Variants in RHOBTB1 observed in about 807,000 individuals in gnomAD.
The protein encoded by RHOBTB1 is Rho related BTB domain containing 1, also known as rho-related BTB domain-containing protein 1.
Under a neutral mutation model 71.6 loss-of-function variants are expected in RHOBTB1, and 40 were observed. The ratio of observed to expected loss-of-function variants is 0.56; its 90% CI spans 0.43 to 0.73. The LOEUF is 0.73. RHOBTB1 is among the 30% of genes least tolerant of loss of function. RHOBTB1 has a pLI of 0.00. For missense variants in RHOBTB1, 797 were observed against 894.0 expected, an observed-to-expected ratio of 0.89 and a Z score of 1.38; for synonymous variants, 319 against 334.9, an observed-to-expected ratio of 0.95 and a Z score of 0.52.
chr10:60,957,564 A>G (rs1168628172), intron 2 of RHOBTB1, among the ~76,000 whole-genome samples: 1 of 152,178 alleles, frequency 6.6e-6, no homozygotes, highest in Non-Finnish European at 1.5e-5. Flanking sequence ...GTCAATACAA[A>G]TTCCCCTCTT....
At chr10:60,934,109 G>A (rs1261006564) in intron 2 of RHOBTB1, among the ~76,000 whole-genome samples, 1 of 152,158 alleles carries the variant, frequency 6.6e-6, no homozygotes, top group Non-Finnish European at 1.5e-5. Flanking sequence ...AAGAGGGCAA[G>A]GAGGTAGGAA....
At position 60,871,445 on chromosome 10, in the gene RHOBTB1, G is replaced by A. The variant is rs545597735; in HGVS notation, c.*37C>T. 3.8e-6 allele frequency: 6 copies of A among 1,599,178 alleles called. No homozygotes were observed. Among genetic ancestry groups the A allele is most frequent in the East Asian group, 4.5e-5 (2 of 44,772 alleles). The stretch of plus-strand genomic sequence containing the variant: ...TTGAAAAGTGGTGGATCAGATTACC[G>A]ATTGGTTTCTGTTTTTTGTTTTTTT... On this transcript the variant is annotated 3_prime_UTR_variant, in exon 11 of 11. Coordinates refer to ENST00000337910, the MANE Select transcript of RHOBTB1 (RefSeq NM_014836.5).
intron 8 of RHOBTB1, among the ~76,000 whole-genome samples, chr10:60,875,523 T>C (rs1375529842): frequency 6.6e-6 from 1 of 152,180 alleles, no homozygotes; most frequent in Non-Finnish European, 1.5e-5. Flanking sequence ...AGCACCTTCC[T>C]AGAGTCCTCT....
At chr10:60,940,030 T>C (rs2084814749) in intron 2 of RHOBTB1, among the ~76,000 whole-genome samples, 1 of 152,234 alleles carries the variant, frequency 6.6e-6, no homozygotes, top group African/African-American at 2.4e-5. Context: ...TGATGAGGTC[T>C]TGGCCTGTAA....
At chr10:60,876,560 C>T (rs923089543) in intron 8 of RHOBTB1, among the ~76,000 whole-genome samples, 8 of 152,124 alleles carry the variant, frequency 5.3e-5, no homozygotes, top group Non-Finnish European at 1.2e-4. Flanking sequence ...AAAATGTATC[C>T]TCAGGAATAA....
chr10:60,883,036 G>A (rs1285654523), intron 7 of RHOBTB1, among the ~76,000 whole-genome samples: 1 of 152,160 alleles, frequency 6.6e-6, no homozygotes, highest in Admixed American at 6.5e-5. Context: ...TTTAGAGTGA[G>A]CCACTTCCCC....
At chr10:60,863,617 C>T in the RHOBTB1 span, among the ~76,000 whole-genome samples, 27,425 of 151,940 alleles carry the variant, frequency 0.18, 2,742 homozygotes, top group African/African-American at 0.27. Context: ...ACTGGGACCT[C>T]TGCCTCCCAG....
intron 2 of RHOBTB1, among the ~76,000 whole-genome samples, chr10:60,954,433 T>C (rs756753952): frequency 6.6e-6 from 1 of 152,216 alleles, no homozygotes; most frequent in Admixed American, 6.5e-5. Context: ...AATGAATTCT[T>C]TCCATGTTCT....
intron 2 of RHOBTB1, among the ~76,000 whole-genome samples, chr10:60,973,773 T>C (rs2086235095): frequency 6.6e-6 from 1 of 151,942 alleles, no homozygotes; most frequent in African/African-American, 2.4e-5. Context: ...AGAGAACATA[T>C]GGGCCATTTG....
At chr10:60,936,069 C>T (rs1254310670) in intron 2 of RHOBTB1, among the ~76,000 whole-genome samples, 3 of 152,168 alleles carry the variant, frequency 2.0e-5, no homozygotes, top group African/African-American at 7.2e-5. Context: ...ATGAATAGTA[C>T]ATTTGAAAAA....
intron 2 of RHOBTB1, among the ~76,000 whole-genome samples, chr10:60,938,399 T>C (rs535306827): frequency 1.3e-5 from 2 of 152,320 alleles, no homozygotes; most frequent in Admixed American, 6.5e-5. Flanking sequence ...GTGTCACTTA[T>C]TAACTATGAG....
chr10:60,882,910 G>C (rs1178406958), intron 7 of RHOBTB1, among the ~76,000 whole-genome samples: 1 of 152,116 alleles, frequency 6.6e-6, no homozygotes, highest in Non-Finnish European at 1.5e-5. Flanking sequence ...AACATTTATT[G>C]AACATTTGTA....
At chr10:60,921,158 T>C (rs527250962) in intron 2 of RHOBTB1, among the ~76,000 whole-genome samples, 1 of 151,812 alleles carries the variant, frequency 6.6e-6, no homozygotes, top group African/African-American at 2.4e-5. Context: ...ATGTTGGCCA[T>C]GCTGGTCTTG....
chr10:60,871,226 C>A lies in RHOBTB1; in HGVS notation c.*256G>T. The A allele has an allele frequency of 2.8e-6, 1 of 356,882 alleles. No individual in the cohort carries two copies. The highest frequency in any genetic ancestry group is 5.0e-6 in the Non-Finnish European group (1 of 200,386). 22.1% of individuals were successfully genotyped at this position (356,882 alleles called of 1,614,324 possible). ...AAATAACAGACTAAAGTTTATTAAGCCTCCTAACAAAAAAAATATACATAT... is the reference window on the plus strand; with the variant it reads ...AAATAACAGACTAAAGTTTATTAAGACTCCTAACAAAAAAAATATACATAT... On this transcript the variant is annotated 3_prime_UTR_variant, in exon 11 of 11. Coordinates refer to ENST00000337910, the MANE Select transcript of RHOBTB1 (RefSeq NM_014836.5).
intron 4 of RHOBTB1, among the ~76,000 whole-genome samples, chr10:60,901,522 A>G (rs765334826): frequency 2.6e-5 from 4 of 152,192 alleles, no homozygotes; most frequent in Non-Finnish European, 5.9e-5. Context: ...CTTTATTGAT[A>G]TGGAATAGCT....
At chr10:60,864,669 G>C (rs529571004), downstream of RHOBTB1, among the ~76,000 whole-genome samples, 1 of 151,818 alleles carries the variant, frequency 6.6e-6, no homozygotes, top group South Asian at 2.1e-4. Flanking sequence ...AATTTCAGAT[G>C]ACTACTTATT....
Position 60,888,220 on chromosome 10 carries a change from G to T in RHOBTB1, c.1448C>A (p.Thr483Lys), listed in dbSNP as rs2081690598. The change falls in exon 6 of 11, where the codon ACG becomes AAG. Residue 483 changes from threonine to lysine, a missense_variant. Coordinates refer to ENST00000337910, the MANE Select transcript of RHOBTB1 (RefSeq NM_014836.5). Reference protein sequence around the residue: ...NRIKECLSKGTFSDVTFKLDD... With the variant: ...NRIKECLSKGKFSDVTFKLDD... Reference sequence around the variant, plus strand: ...CCCCGCGGCCCACTCACCCGAGAACGTTCCCTTGCTGAGACACTCTTTTAT... The same window carrying T: ...CCCCGCGGCCCACTCACCCGAGAACTTTCCCTTGCTGAGACACTCTTTTAT... The T allele has an allele frequency of 6.2e-7, 1 of 1,612,934 alleles. No homozygotes were observed. The highest frequency in any genetic ancestry group is 2.2e-5 in the East Asian group (1 of 44,826).
At chr10:60,905,711 C>T (rs2082645990) in intron 4 of RHOBTB1, among the ~76,000 whole-genome samples, 1 of 152,136 alleles carries the variant, frequency 6.6e-6, no homozygotes, top group Non-Finnish European at 1.5e-5. Context: ...CTTGAAGTTT[C>T]ACTGTGCAAC....
chr10:60,866,096 T>A (rs1319344219), downstream of RHOBTB1, among the ~76,000 whole-genome samples: 1 of 152,204 alleles, frequency 6.6e-6, no homozygotes, highest in Non-Finnish European at 1.5e-5. Flanking sequence ...TCTCCCAAAG[T>A]GCTGGGATTG....
Sources: allele counts gnomAD v4.1 joint callset (sites outside exome capture counted in the v4.1 genomes callset), GRCh38; gene constraint gnomAD v4.1.1; transcripts MANE v1.5; gene names NCBI Gene and HGNC (gene_info 2026-07-23, HGNC 2026-07-21).